CROT: variants seen among roughly 807,000 people sequenced by gnomAD.
The protein encoded by CROT is carnitine O-octanoyltransferase, also known as peroxisomal carnitine O-octanoyltransferase.
CROT carries 84 observed loss-of-function variants against 89.2 expected under a neutral mutation model. The ratio of observed to expected loss-of-function variants is 0.94; its 90% confidence interval spans 0.79 to 1.13. The LOEUF is 1.13. Among genes scored for constraint, CROT ranks in the 50% most tolerant of loss-of-function variants. The pLI, the probability that CROT is intolerant of heterozygous loss-of-function variation, is 0.00. For synonymous variants in CROT, 212 were observed against 239.5 expected, an observed-to-expected ratio of 0.89 and a Z score of 1.06; for missense variants, 711 against 727.8, an observed-to-expected ratio of 0.98 and a Z score of 0.27.
At chr7:87,349,243 C>A in intron 3 of CROT, 60 bp downstream of exon 3, 1 of 807,084 alleles carries the variant, frequency 1.2e-6, no homozygotes, top group Non-Finnish European at 1.9e-6. Flanking sequence ...AACTGTGATA[C>A]TGTTGCTGGA....
intron 3 of CROT, chr7:87,357,540 A>T: frequency 6.6e-7 from 1 of 1,508,890 alleles, no homozygotes. Context: ...AGGGGTCTTG[A>T]TCCAGATGCT....
chr7:87,382,628 G>A (rs1807055706), intron 13 of CROT, 85 bp downstream of exon 13: 1 of 1,393,676 alleles, frequency 7.2e-7, no homozygotes, highest in Admixed American at 2.4e-5. Flanking sequence ...TAACTCCTCA[G>A]TATTTTTGCT....
chr7:87,385,137 C>CT (rs796138224), intron 13 of CROT, among the ~76,000 whole-genome samples: 65 of 143,614 alleles, frequency 4.5e-4, no homozygotes, highest in Admixed American at 1.3e-3. Context: ...ATACCTCAAG[C>CT]TTTTTTTTTT....
At chr7:87,374,536 T>G in intron 7 of CROT, among the ~76,000 whole-genome samples, 1 of 152,010 alleles carries the variant, frequency 6.6e-6, no homozygotes, top group Non-Finnish European at 1.5e-5. Context: ...TAACCACAAC[T>G]GCAAAAGCTT....
At position 87,361,805 on chromosome 7, in the gene CROT, A is replaced by G. The variant is rs750382467; in HGVS notation, c.500A>G (p.Lys167Arg). The part of the protein sequence containing the change: ...NQFRMLFSTC[K>R]VPGITRDSIM... Reference sequence around the variant, plus strand: ...TTCCGAATGCTATTTTCTACCTGCAAGGTTCCAGGAATTACTAGAGACTCC... The same window carrying G: ...TTCCGAATGCTATTTTCTACCTGCAGGGTTCCAGGAATTACTAGAGACTCC... Residue 167 changes from lysine (K) to arginine (R), a missense_variant, in exon 6 of 18, where the codon AAG (lysine) becomes AGG (arginine). Physicochemically the swap from Lys to Arg is conservative, Grantham distance 26 (BLOSUM62 2). Transcript: ENST00000331536. The G allele has an allele frequency of 2.0e-5, 32 of 1,609,808 alleles. 1 individual carries two copies. The Admixed American group carries it at 4.7e-4, about 24-fold the overall frequency.
At chr7:87,370,795 G>A (rs1806607879) in intron 7 of CROT, among the ~76,000 whole-genome samples, 1 of 152,210 alleles carries the variant, frequency 6.6e-6, no homozygotes, top group Non-Finnish European at 1.5e-5. Context: ...AAATCCTTGT[G>A]TAAGTCTTTT....
intron 7 of CROT, among the ~76,000 whole-genome samples, chr7:87,373,381 CT>C (rs1806701778): frequency 6.6e-6 from 1 of 152,002 alleles, no homozygotes; most frequent in Non-Finnish European, 1.5e-5. Context: ...TGGCTTTTCA[CT>C]TTCTTGATGG....
At chr7:87,359,087 A>G (rs933900076) in intron 3 of CROT, 119 bp from the exon 4 acceptor site, 3 of 716,014 alleles carry the variant, frequency 4.2e-6, no homozygotes, top group African/African-American at 1.8e-5. Context: ...CTGCTCTGCT[A>G]TTTAATACAG....
intron 17 of CROT, among the ~76,000 whole-genome samples, chr7:87,396,234 T>C (rs1397129311): frequency 6.6e-6 from 1 of 152,050 alleles, no homozygotes; most frequent in Admixed American, 6.5e-5. Flanking sequence ...TTTGAGACCA[T>C]CCTGAGCAAT....
intron 10 of CROT, 108 bp from the exon 11 acceptor site, chr7:87,381,802 T>C: frequency 1.4e-6 from 1 of 695,816 alleles, no homozygotes; most frequent in Non-Finnish European, 2.4e-6. Flanking sequence ...ATTTGAAGAC[T>C]CTATGCTTTA....
chr7:87,390,364 T>C (rs1329757906), intron 13 of CROT, among the ~76,000 whole-genome samples: 1 of 152,222 alleles, frequency 6.6e-6, no homozygotes, highest in Non-Finnish European at 1.5e-5. Context: ...GGTTCATTAT[T>C]TCATTTGAGG....
intron 17 of CROT, among the ~76,000 whole-genome samples, chr7:87,397,083 GT>G: frequency 6.6e-6 from 1 of 152,220 alleles, no homozygotes; most frequent in Non-Finnish European, 1.5e-5. Flanking sequence ...GCTAGGCATG[GT>G]GGCTCACGCC....
intron 7 of CROT, among the ~76,000 whole-genome samples, chr7:87,372,012 A>C (rs1382220093): frequency 6.6e-6 from 1 of 151,304 alleles, no homozygotes; most frequent in Admixed American, 6.6e-5. Flanking sequence ...AAAAACAAAA[A>C]AAAAAAAACA....
In CROT at chr7:87,353,800, G is replaced by A. The variant is rs111721604; in HGVS notation, c.115+4617G>A. Among the ~76,000 whole-genome samples the A allele has an allele frequency of 7.3e-3, 1,119 of 152,256 alleles. 13 individuals are homozygous for A. Among genetic ancestry groups the A allele is most frequent in the African/African-American group, 0.025 (1,050 of 41,528 alleles). On this transcript the variant is annotated intron_variant, in intron 3 of 17. Coordinates refer to ENST00000331536, the MANE Select transcript of CROT (RefSeq NM_021151.4). ...AGTGAGGGCTCACTTGTCACCAAGGGGACAGCCCAAGCCATTCTTGAGGGC... is the reference window on the plus strand; with the variant it reads ...AGTGAGGGCTCACTTGTCACCAAGGAGACAGCCCAAGCCATTCTTGAGGGC...
rs760912025 is a variant in CROT at position 87,382,441 on chromosome 7, CCTTT to C, written c.1200_1203del (p.Phe401HisfsTer7). ...TCTGATCTACAGATTGCGGCTTATG[CCTTT>C]ACATCTTTTGGCAAAAAGCTAACCA... On this transcript the variant is annotated frameshift_variant, in exon 13 of 18. Transcript: ENST00000331536. LOFTEE classifies it high-confidence loss of function. 20 of 1,613,596 alleles carry C rather than the reference CCTTT, an allele frequency of 1.2e-5. No individual in the cohort carries two copies. Among genetic ancestry groups the C allele is most frequent in the Non-Finnish European group, 1.6e-5 (19 of 1,179,808 alleles).
At chr7:87,397,013 C>T (rs531630782) in intron 17 of CROT, among the ~76,000 whole-genome samples, 35 of 152,162 alleles carry the variant, frequency 2.3e-4, no homozygotes, top group Middle Eastern at 3.4e-3. Context: ...AGGTTATAAA[C>T]GTATCCTTTC....
intron 10 of CROT, among the ~76,000 whole-genome samples, chr7:87,380,707 G>C (rs1278388121): frequency 6.6e-6 from 1 of 152,128 alleles, no homozygotes; most frequent in Non-Finnish European, 1.5e-5. Flanking sequence ...TTAGGAGATG[G>C]GTGCTTAGAA....
chr7:87,355,354 C>T (rs755185371), intron 3 of CROT, among the ~76,000 whole-genome samples: 1 of 152,102 alleles, frequency 6.6e-6, no homozygotes. Context: ...CCTGCCTTGG[C>T]CTCCCAACGT....
At chr7:87,375,597 T>A in intron 7 of CROT, 35 bp from the exon 8 acceptor site, 1 of 1,501,442 alleles carries the variant, frequency 6.7e-7, no homozygotes. Flanking sequence ...TTTCTGCCTG[T>A]ACTCTTTTTT....
Sources: gnomAD v4.1 joint callset for allele counts (sites outside exome capture counted in the v4.1 genomes callset) on GRCh38, gnomAD v4.1.1 for gene constraint, MANE v1.5 for transcripts, NCBI Gene and HGNC (gene_info 2026-07-23, HGNC 2026-07-21) for gene names.